The following KLRG1 variants were observed in gnomAD, a reference collection of about 807,000 sequenced individuals.
KLRG1 encodes the protein killer cell lectin-like receptor subfamily G member 1.
Under a neutral mutation model 21.8 loss-of-function variants are expected in KLRG1, and 16 were observed. The ratio of observed to expected loss-of-function variants is 0.73; its 90% CI spans 0.50 to 1.11. The LOEUF (loss-of-function observed/expected upper bound fraction) is 1.11, where lower values mean the gene tolerates loss of function less well. KLRG1 is among the 50% of genes most tolerant of loss of function. The pLI is 0.00. For synonymous variants in KLRG1, 69 were observed against 75.9 expected (o/e 0.91, Z 0.47); for missense variants, 173 against 218.3 (o/e 0.79, Z 1.31).
chr12:9,065,592 T>G, the KLRG1 span, among the ~76,000 whole-genome samples: 1 of 152,186 alleles, frequency 6.6e-6, no homozygotes, highest in Non-Finnish European at 1.5e-5. Flanking sequence ...TGAAGACAGC[T>G]GGACACTGAC....
chr12:8,959,097 A>G (rs1946342183), intron 1 of KLRG1, among the ~76,000 whole-genome samples: 1 of 152,194 alleles, frequency 6.6e-6, no homozygotes, highest in African/African-American at 2.4e-5. Context: ...TATAAGAGGA[A>G]TTTAGTTTAC....
At chr12:9,194,023 A>G in the KLRG1 span, 1 of 1,502,360 alleles carries the variant, frequency 6.7e-7, no homozygotes, top group Non-Finnish European at 9.2e-7. Flanking sequence ...TTCTGAATAT[A>G]TCACTGTTCC....
At chr12:9,097,045 T>C in the KLRG1 span, among the ~76,000 whole-genome samples, 1 of 152,212 alleles carries the variant, frequency 6.6e-6, no homozygotes, top group African/African-American at 2.4e-5. Context: ...CCCTGAAAGC[T>C]TCTGCTTTAT....
chr12:9,074,070 A>G, the KLRG1 span, among the ~76,000 whole-genome samples: 1 of 142,564 alleles, frequency 7.0e-6, no homozygotes, highest in Non-Finnish European at 1.5e-5. Flanking sequence ...CCTAGGTGAC[A>G]GAGCAAGACT....
chr12:9,008,117 T>A (rs1024340822), intron 3 of KLRG1, among the ~76,000 whole-genome samples: 1 of 152,214 alleles, frequency 6.6e-6, no homozygotes, highest in Non-Finnish European at 1.5e-5. Context: ...AACTGTTTTT[T>A]TCTTGCCACA....
the KLRG1 span, among the ~76,000 whole-genome samples, chr12:9,053,119 C>A: frequency 6.6e-6 from 1 of 152,196 alleles, no homozygotes; most frequent in East Asian, 1.9e-4. Flanking sequence ...GGGTTCCTTG[C>A]AAATCCCAGA....
At chr12:9,133,774 G>A in the KLRG1 span, among the ~76,000 whole-genome samples, 2 of 152,200 alleles carry the variant, frequency 1.3e-5, no homozygotes, top group Admixed American at 6.5e-5. Flanking sequence ...GAGGGGAAAA[G>A]TATGAGGCAA....
the KLRG1 span, chr12:9,112,716 G>C: frequency 4.9e-6 from 3 of 615,312 alleles, no homozygotes; most frequent in Non-Finnish European, 5.7e-6. Context: ...GGGGAGACAG[G>C]ACACAAGGTG....
intron 1 of KLRG1, among the ~76,000 whole-genome samples, chr12:8,974,313 G>A (rs1325399759): frequency 4.6e-5 from 7 of 151,802 alleles, no homozygotes; most frequent in African/African-American, 1.5e-4. Flanking sequence ...GACTACAAGC[G>A]TCCACCACCA....
At chr12:9,004,005 C>T (rs1947388180) in intron 3 of KLRG1, among the ~76,000 whole-genome samples, 1 of 151,862 alleles carries the variant, frequency 6.6e-6, no homozygotes, top group East Asian at 1.9e-4. Context: ...TTTCCAATTT[C>T]ATCCATGTCC....
chr12:9,056,291 T>C, the KLRG1 span, among the ~76,000 whole-genome samples: 1 of 152,116 alleles, frequency 6.6e-6, no homozygotes, highest in Non-Finnish European at 1.5e-5. Context: ...GGGAAATATA[T>C]AGACATGGTC....
At chr12:9,077,544 C>T in the KLRG1 span, 4 of 1,457,374 alleles carry the variant, frequency 2.7e-6, no homozygotes, top group African/African-American at 5.6e-5. Context: ...GGCAAAGTAT[C>T]ACAATCAACT....
chr12:9,077,812 G>A, the KLRG1 span: 1 of 1,614,192 alleles, frequency 6.2e-7, no homozygotes, highest in South Asian at 1.1e-5. Context: ...CGATGAAGAT[G>A]TAGGCTCGAG....
chr12:9,133,403 T>C, the KLRG1 span, among the ~76,000 whole-genome samples: 1 of 152,222 alleles, frequency 6.6e-6, no homozygotes, highest in Non-Finnish European at 1.5e-5. Flanking sequence ...TACTGTTCTG[T>C]GGTTAACAAA....
At chr12:9,199,515 A>C in the KLRG1 span, among the ~76,000 whole-genome samples, 2 of 152,164 alleles carry the variant, frequency 1.3e-5, no homozygotes, top group Non-Finnish European at 2.9e-5. Flanking sequence ...ATCAATGTAA[A>C]ACATTCAATG....
the KLRG1 span, among the ~76,000 whole-genome samples, chr12:9,056,104 G>T: frequency 6.6e-6 from 1 of 152,130 alleles, no homozygotes; most frequent in East Asian, 1.9e-4. Flanking sequence ...ACTGCCTATC[G>T]GCTGCAGGGG....
intron 3 of KLRG1, among the ~76,000 whole-genome samples, chr12:9,007,840 T>C (rs999719132): frequency 1.3e-5 from 2 of 152,226 alleles, no homozygotes; most frequent in African/African-American, 2.4e-5. Flanking sequence ...TTAGAAAATA[T>C]TGAAAGTGTA....
the KLRG1 span, chr12:9,152,843 G>C: frequency 6.2e-7 from 1 of 1,614,134 alleles, no homozygotes; most frequent in Non-Finnish European, 8.5e-7. Context: ...AGTGAGATCT[G>C]AAAGCTGGTG....
chr12:8,996,247 G>T (rs1160338166), intron 3 of KLRG1, among the ~76,000 whole-genome samples: 1 of 152,122 alleles, frequency 6.6e-6, no homozygotes, highest in Non-Finnish European at 1.5e-5. Flanking sequence ...AAAAGAGCTT[G>T]CTATTGGTCC....
Sources: gnomAD v4.1 joint callset for allele counts (sites outside exome capture counted in the v4.1 genomes callset) on GRCh38, gnomAD v4.1.1 for gene constraint, MANE v1.5 for transcripts, NCBI Gene and HGNC (gene_info 2026-07-23, HGNC 2026-07-21) for gene names.